The following TMTC4 variants were observed in gnomAD, a reference collection of about 807,000 sequenced individuals.
TMTC4 encodes the protein transmembrane O-mannosyltransferase targeting cadherins 4.
In TMTC4, 65 loss-of-function variants were observed where a neutral mutation model predicts 86.0. That is an observed-to-expected ratio of 0.76 (90% CI 0.62 to 0.93). The LOEUF is 0.93. Among genes scored for constraint, TMTC4 ranks in the 40% least tolerant of loss-of-function variants. The pLI is 0.00. For missense variants in TMTC4, 866 were observed against 948.1 expected (o/e 0.91, Z 1.14); for synonymous variants, 379 against 382.5 (o/e 0.99, Z 0.11).
Position 100,634,662 on chromosome 13 carries a change from A to C in TMTC4, c.1506+143T>G, listed in dbSNP as rs11619713. On this transcript the variant is annotated intron_variant, in intron 12 of 18. Coordinates refer to ENST00000342624, the MANE Select transcript of TMTC4 (RefSeq NM_032813.5). The stretch of plus-strand genomic sequence containing the variant: ...AATCTTATCAAAATCATTAAAAAAA[A>C]CCATACATAACAAAGAAAAACCCAA... The C allele has an allele frequency of 1.0e-5, 11 of 1,067,150 alleles. No homozygotes were observed. The East Asian group carries it at 1.6e-4, about 15-fold the overall frequency. 66.1% of individuals were successfully genotyped at this position (1,067,150 alleles called of 1,614,324 possible).
Position 100,663,191 on chromosome 13 carries a change from A to T in TMTC4, c.336-11T>A, listed in dbSNP as rs1437948432. ...AGGTAGTAGTTAATCCTGCAGAAAC[A>T]CAGGGTGTTCAGGGTACACGCGCAG... On this transcript the variant is annotated splice_polypyrimidine_tract_variant and intron_variant, in intron 4 of 18. Transcript: ENST00000342624. The T allele has an allele frequency of 6.2e-7, 1 of 1,613,996 alleles. No homozygotes were observed. The highest frequency in any genetic ancestry group is 8.5e-7 in the Non-Finnish European group (1 of 1,179,866).
chr13:100,658,581 G>T (rs1354117021), intron 5 of TMTC4, among the ~76,000 whole-genome samples: 1 of 152,040 alleles, frequency 6.6e-6, no homozygotes, highest in African/African-American at 2.4e-5. Context: ...AGGTGAATGA[G>T]GGGGAAGGAA....
intron 17 of TMTC4, among the ~76,000 whole-genome samples, chr13:100,608,332 A>G (rs979371253): frequency 1.3e-5 from 2 of 152,150 alleles, no homozygotes; most frequent in Non-Finnish European, 2.9e-5. Flanking sequence ...CTGGACCCAA[A>G]CTCTGCAGGG....
At chr13:100,630,019 C>CTGTGTGTGTGTGTGTGTGTGTG (rs377655969) in intron 12 of TMTC4, among the ~76,000 whole-genome samples, 1 of 146,680 alleles carries the variant, frequency 6.8e-6, no homozygotes, top group African/African-American at 2.6e-5. Flanking sequence ...GCCACCCAAT[C>CTGTGTGTGTGTGTGTGTGTGTG]TGTGTGTATG....
At chr13:100,637,387 A>G in intron 9 of TMTC4, 151 bp downstream of exon 9, 2 of 1,053,554 alleles carry the variant, frequency 1.9e-6, no homozygotes, top group Non-Finnish European at 2.7e-6. Flanking sequence ...ATCCCAGAAC[A>G]TCTTTAGTGA....
intron 6 of TMTC4, among the ~76,000 whole-genome samples, chr13:100,647,132 C>T (rs1412147345): frequency 6.6e-6 from 1 of 152,200 alleles, no homozygotes; most frequent in Non-Finnish European, 1.5e-5. Context: ...TCGGTACAGC[C>T]TCTCTTCCCG....
chr13:100,663,170 A>C lies in TMTC4; in HGVS notation c.346T>G (p.Tyr116Asp). 6.2e-7 allele frequency: 1 copy of C among 1,614,206 alleles called. No homozygotes were observed. Among genetic ancestry groups the C allele is most frequent in the South Asian group, 1.1e-5 (1 of 91,072 alleles). ...LTVLTFRINY[Y>D]LSGGFHPVGF... ...ACGGGGTGGAAGCCTCCCGAGAGGTAGTAGTTAATCCTGCAGAAACACAGG... is the reference window on the plus strand; with the variant it reads ...ACGGGGTGGAAGCCTCCCGAGAGGTCGTAGTTAATCCTGCAGAAACACAGG... The change falls in exon 5 of 19, where the codon TAC becomes GAC. Residue 116 changes from tyrosine to aspartate, a missense_variant. Tyr to Asp is a radical substitution (Grantham distance 160). Transcript: ENST00000342624.
At chr13:100,659,195 G>A (rs944993963) in intron 5 of TMTC4, among the ~76,000 whole-genome samples, 1 of 152,150 alleles carries the variant, frequency 6.6e-6, no homozygotes, top group Non-Finnish European at 1.5e-5. Flanking sequence ...GATGGGGAAG[G>A]TTTCCCCTCC....
In TMTC4 at chr13:100,633,240, C is replaced by T. The variant is rs189907883; in HGVS notation, c.1506+1565G>A. 1.4e-3 allele frequency among the ~76,000 whole-genome samples: 196 copies of T among 135,344 alleles called. 4 individuals are homozygous for T. The South Asian group carries it at 0.018, about 12-fold the overall frequency. 88.8% of individuals were successfully genotyped at this position (135,344 alleles called of 152,430 possible). ...AGGAGAATCGCTTGAACCTGGGAGGCGGAGGTTGCAGTGAGCCGAGATCAG... is the reference window on the plus strand; with the variant it reads ...AGGAGAATCGCTTGAACCTGGGAGGTGGAGGTTGCAGTGAGCCGAGATCAG... On this transcript the variant is annotated intron_variant, in intron 12 of 18. Transcript: ENST00000342624.
Position 100,668,567 on chromosome 13 carries a change from T to G in TMTC4, c.219+12A>C. 16 of 1,612,000 alleles carry G rather than the reference T, an allele frequency of 9.9e-6. No homozygotes were observed. The highest frequency in any genetic ancestry group is 1.7e-5 in the Admixed American group (1 of 59,992). On this transcript the variant is annotated intron_variant, in intron 3 of 18. Coordinates refer to ENST00000342624, the MANE Select transcript of TMTC4 (RefSeq NM_032813.5). The stretch of plus-strand genomic sequence containing the variant: ...GCAGTTAAGTTTACCAGAAAAGAGT[T>G]GAGATACAAACCTTATTGTTAACAA...
chr13:100,666,519 G>A (rs940142646), intron 3 of TMTC4, among the ~76,000 whole-genome samples: 4 of 152,084 alleles, frequency 2.6e-5, no homozygotes, highest in East Asian at 1.9e-4. Context: ...CATACAACAC[G>A]GCTCGTGTTT....
intron 17 of TMTC4, among the ~76,000 whole-genome samples, chr13:100,608,919 G>A (rs1390548889): frequency 6.6e-6 from 1 of 152,160 alleles, no homozygotes; most frequent in Non-Finnish European, 1.5e-5. Flanking sequence ...ATGTCTCTAG[G>A]TAGGAACAAG....
At chr13:100,668,918 C>A in intron 2 of TMTC4, 124 bp from the exon 3 acceptor site, 7 of 1,031,976 alleles carry the variant, frequency 6.8e-6, no homozygotes, top group Non-Finnish European at 8.3e-6. Context: ...TGATCAGTAA[C>A]AATTTGAAGC....
intron 4 of TMTC4, among the ~76,000 whole-genome samples, chr13:100,663,892 CT>C (rs1193694825): frequency 6.6e-6 from 1 of 152,174 alleles, no homozygotes; most frequent in African/African-American, 2.4e-5. Context: ...AGATTTATAC[CT>C]TATTTATTTC....
At chr13:100,625,004 C>T (rs974656011) in intron 15 of TMTC4, 3 of 153,938 alleles carry the variant, frequency 1.9e-5, no homozygotes, top group African/African-American at 7.2e-5. Flanking sequence ...TACTACAGAA[C>T]ACGTTATTTT....
chr13:100,671,374 A>G (rs1033223239), intron 1 of TMTC4, among the ~76,000 whole-genome samples: 1 of 152,228 alleles, frequency 6.6e-6, no homozygotes, highest in Non-Finnish European at 1.5e-5. Context: ...TTCTAAGTAG[A>G]ATACTAAATC....
chr13:100,672,541 A>G (rs932005067), intron 1 of TMTC4, among the ~76,000 whole-genome samples: 2 of 152,098 alleles, frequency 1.3e-5, no homozygotes, highest in Admixed American at 6.5e-5. Flanking sequence ...CCCAGGCTGG[A>G]GTATAGTGGT....
intron 4 of TMTC4, among the ~76,000 whole-genome samples, chr13:100,663,918 T>C (rs1886100563): frequency 6.6e-6 from 1 of 152,156 alleles, no homozygotes; most frequent in Non-Finnish European, 1.5e-5. Flanking sequence ...GTGAAAAAAA[T>C]CAGTTTCATC....
intron 15 of TMTC4, among the ~76,000 whole-genome samples, chr13:100,615,651 C>T (rs373115368): frequency 6.6e-5 from 10 of 151,818 alleles, no homozygotes; most frequent in Non-Finnish European, 8.8e-5. Flanking sequence ...TGGGGTTTCA[C>T]GATGTTGCCC....
Sources: allele counts gnomAD v4.1 joint callset (sites outside exome capture counted in the v4.1 genomes callset), GRCh38; gene constraint gnomAD v4.1.1; transcripts MANE v1.5; gene names NCBI Gene and HGNC (gene_info 2026-07-23, HGNC 2026-07-21).